The following C11orf16 variants were observed in gnomAD, a reference collection of about 807,000 sequenced individuals.
C11orf16 encodes the protein uncharacterized protein C11orf16.
In C11orf16, 38 loss-of-function variants were observed where a neutral mutation model predicts 45.1. The ratio of observed to expected loss-of-function variants is 0.84; its 90% CI spans 0.65 to 1.10. C11orf16 has a LOEUF of 1.10. Ranked by LOEUF, C11orf16 falls within the 50% of genes least tolerant of loss-of-function variation. The probability of loss-of-function intolerance (pLI) is 0.00; values close to 1 mark genes in which losing one functional copy is unlikely to be tolerated. For missense variants in C11orf16, 583 were observed against 569.5 expected (o/e 1.02, Z -0.24); for synonymous variants, 221 against 222.0 (o/e 1.00, Z 0.04).
In C11orf16 at chr11:8,929,506, G is replaced by A. The variant is rs149239509; in HGVS notation, c.195C>T (p.His65=). The part of the protein sequence containing the change: ...ARHASSCPCL[H]VADPAWQGPG... ...GCCCCTGCCATGCTGGGTCGGCAAC[G>A]TGGAGACATGGGCAAGAAGAGGCAT... The change falls in exon 3 of 7, where the codon CAC becomes CAT. Residue 65 remains histidine (H), a synonymous_variant. Transcript: ENST00000326053. 5.4e-3 allele frequency: 8,768 copies of A among 1,613,394 alleles called. 28 individuals carry two copies. The highest frequency in any genetic ancestry group is 6.2e-3 in the Non-Finnish European group (7,262 of 1,179,772).
chr11:8,920,085 T>C lies in C11orf16; in HGVS notation c.*388A>G, dbSNP rs962070893. ...TAAAGAGATTTGGAAATGAAGAGAA[T>C]TCATTTTTATTAAGAGGTGAAACAA... On this transcript the variant is annotated 3_prime_UTR_variant, in exon 7 of 7. Coordinates refer to ENST00000326053, the MANE Select transcript of C11orf16 (RefSeq NM_020643.3). 26 of 243,386 alleles carry C rather than the reference T, an allele frequency of 1.1e-4. No homozygotes were observed. The highest frequency in any genetic ancestry group is 1.9e-4 in the Non-Finnish European group (25 of 128,210). The allele number at this position is 243,386 out of a possible 1,614,324, so 15.1% of individuals were successfully genotyped here. A position where few individuals can be genotyped will look rare whatever the true frequency, so the allele number is the denominator to read the frequency against.
Position 8,926,149 on chromosome 11 carries a change from T to C in C11orf16, c.560-42A>G, listed in dbSNP as rs2064610791. 2.0e-6 allele frequency: 3 copies of C among 1,473,218 alleles called. No individual in the cohort carries two copies. The East Asian group carries it at 6.9e-5, about 34-fold the overall frequency. The allele number at this position is 1,473,218 out of a possible 1,614,324, so 91.3% of individuals were successfully genotyped here. A position where few individuals can be genotyped will look rare whatever the true frequency, so the allele number is the denominator to read the frequency against. ...GGCAACATTTTGTTATAATTACCAA[T>C]TATCTCCTTTTTTTTCTTTTTTCTT... On this transcript the variant is annotated intron_variant, in intron 4 of 6. Coordinates refer to ENST00000326053, the MANE Select transcript of C11orf16 (RefSeq NM_020643.3).
Position 8,921,400 on chromosome 11 carries a change from T to G in C11orf16, c.1320A>C (p.Pro440=). Residue 440 remains proline, a synonymous_variant, in exon 6 of 7, where the codon CCA becomes CCC. Transcript: ENST00000326053. ...CAGCTTCCCCTGGCGGGGTCCGCGG[T>G]GGCTTCATGTGGGTTGCTTTCGAGA... ...ELVSKATHMK[P]PRTPPGEAEH... 6.2e-7 allele frequency: 1 copy of G among 1,614,226 alleles called. No individual in the cohort carries two copies. The highest frequency in any genetic ancestry group is 1.1e-5 in the South Asian group (1 of 91,086).
chr11:8,932,022 G>A, intron 2 of C11orf16, 120 bp downstream of exon 2: 1 of 1,098,402 alleles, frequency 9.1e-7, no homozygotes, highest in South Asian at 1.8e-5. Context: ...GCCAAACAAT[G>A]ACGACCCCTT....
At position 8,929,656 on chromosome 11, in the gene C11orf16, A is replaced by G; in HGVS notation, c.168-123T>C. On this transcript the variant is annotated intron_variant, in intron 2 of 6. Transcript: ENST00000326053. ...CATGAGGCATGCGGAACAGAAATCC[A>G]TATGGAAAGTGGCAATCTATGACTT... 4.1e-6 allele frequency: 4 copies of G among 965,012 alleles called. No individual in the cohort carries two copies. The South Asian group carries it at 5.3e-5, about 13-fold the overall frequency. 59.8% of individuals were successfully genotyped at this position (965,012 alleles called of 1,614,324 possible).
rs551801835 is a variant in C11orf16 at position 8,925,564 on chromosome 11, T to C, written c.1103A>G (p.Asp368Gly). The stretch of plus-strand genomic sequence containing the variant: ...CAGAGGCATCTCAAGAAAGATGGGA[T>C]CTGTGTTGACTGCACTGTTCACCAT... ...RLMVNSAVNT[D>G]PIFLEMPLRQ... The change falls in exon 5 of 7, where the codon GAT (aspartate) becomes GGT (glycine). Residue 368 changes from aspartate (D) to glycine (G), a missense_variant. Transcript: ENST00000326053. 3 of 1,614,236 alleles carry C rather than the reference T, an allele frequency of 1.9e-6. No individual in the cohort carries two copies. In the South Asian group the frequency reaches 3.3e-5, roughly 18 times the overall value.
chr11:8,926,985 G>A lies in C11orf16; in HGVS notation c.514C>T (p.Pro172Ser). 6.2e-7 allele frequency: 1 copy of A among 1,613,934 alleles called. No homozygotes were observed. The highest frequency in any genetic ancestry group is 1.1e-5 in the South Asian group (1 of 91,064). The change falls in exon 4 of 7, where the codon CCT (proline) becomes TCT (serine). Residue 172 changes from proline (P) to serine (S), a missense_variant. Pro to Ser is a moderately conservative substitution (Grantham distance 74). Coordinates refer to ENST00000326053, the MANE Select transcript of C11orf16 (RefSeq NM_020643.3). Reference protein sequence around the residue: ...LWEPGQQQYGPGTVLLGLEMR... With the variant: ...LWEPGQQQYGSGTVLLGLEMR... Reference sequence around the variant, plus strand: ...TCCAAGCCCAAAAGAACAGTGCCAGGGCCATACTGCTGTTGGCCTGGCTCC... The same window carrying A: ...TCCAAGCCCAAAAGAACAGTGCCAGAGCCATACTGCTGTTGGCCTGGCTCC...
chr11:8,923,361 G>A (rs1363284739), intron 5 of C11orf16, among the ~76,000 whole-genome samples: 1 of 152,152 alleles, frequency 6.6e-6, no homozygotes, highest in Non-Finnish European at 1.5e-5. Context: ...GCTGGGCTTG[G>A]CACTGTCTCA....
intron 2 of C11orf16, among the ~76,000 whole-genome samples, chr11:8,930,624 G>A (rs1390232456): frequency 2.0e-5 from 3 of 152,094 alleles, no homozygotes; most frequent in African/African-American, 7.2e-5. Flanking sequence ...CTGTGGGACA[G>A]AAAAAGGAGA....
chr11:8,925,484 C>G lies in C11orf16; in HGVS notation c.1183G>C (p.Glu395Gln). The G allele has an allele frequency of 6.2e-7, 1 of 1,613,980 alleles. No individual in the cohort carries two copies. The highest frequency in any genetic ancestry group is 1.1e-5 in the South Asian group (1 of 91,062). Residue 395 changes from glutamate to glutamine, a missense_variant, in exon 5 of 7, where the codon GAG becomes CAG. Transcript: ENST00000326053. ...ATACCTGGCTTCCCAAGGCATGGCT[C>G]AGGCCCGTTTCTCTTCCAATACCTC... The part of the protein sequence containing the change: ...EWRYWKRNGP[E>Q]PCLGKPGTRY...
intron 3 of C11orf16, chr11:8,927,570 CTG>C: frequency 2.2e-6 from 1 of 458,008 alleles, no homozygotes; most frequent in Non-Finnish European, 4.4e-6. Flanking sequence ...AGCGTCGCTC[CTG>C]TGTCCAAGAC....
At position 8,930,524 on chromosome 11, in the gene C11orf16, G is replaced by A. The variant is rs575648452; in HGVS notation, c.168-991C>T. 1.1e-3 allele frequency among the ~76,000 whole-genome samples: 173 copies of A among 152,020 alleles called. 2 individuals carry two copies. The highest frequency in any genetic ancestry group is 3.7e-3 in the African/African-American group (154 of 41,458). ...GCGTGGAAGCTTGGATAGTAATGCC[G>A]AGGGTGTGAAATTGTAATGCCACTT... On this transcript the variant is annotated intron_variant, in intron 2 of 6. Transcript: ENST00000326053.
Position 8,920,522 on chromosome 11 carries a change from TAA to T in C11orf16, c.*23-74_*23-73del. 4 of 619,568 alleles carry T rather than the reference TAA, an allele frequency of 6.5e-6. No homozygotes were observed. The South Asian group carries it at 7.6e-5, about 12-fold the overall frequency. The allele number at this position is 619,568 out of a possible 1,614,324, so 38.4% of individuals were successfully genotyped here. On this transcript the variant is annotated intron_variant, in intron 6 of 6. Coordinates refer to ENST00000326053, the MANE Select transcript of C11orf16 (RefSeq NM_020643.3). Reference sequence around the variant, plus strand: ...TTTAAGAATCAAAAGTCACTGATTTTAAAAAGTCATTGATTGTGGCCGAGTGC... The same window carrying T: ...TTTAAGAATCAAAAGTCACTGATTTTAAAGTCATTGATTGTGGCCGAGTGC...
intron 1 of C11orf16, 139 bp downstream of exon 1, chr11:8,932,762 T>TC (rs1192787365): frequency 1.3e-5 from 2 of 154,064 alleles, no homozygotes; most frequent in Admixed American, 1.3e-4. Context: ...CTCAGGGCCG[T>TC]CCATCCCCTT....
chr11:8,927,549 C>T (rs543655250), intron 3 of C11orf16: 1 of 454,382 alleles, frequency 2.2e-6, no homozygotes, highest in East Asian at 6.9e-5. Context: ...CTCCTTCCAG[C>T]ACCCCCAAGA....
Position 8,929,478 on chromosome 11 carries a change from C to A in C11orf16, c.223G>T (p.Gly75Cys). 1 of 1,614,124 alleles carries A rather than the reference C, an allele frequency of 6.2e-7. No individual in the cohort carries two copies. Among genetic ancestry groups the A allele is most frequent in the Non-Finnish European group, 8.5e-7 (1 of 1,180,010 alleles). ...GCATCTCCAGCTCTTCCCAGCCAGC[C>A]AGGCCCCTGCCATGCTGGGTCGGCA... ...HVADPAWQGP[G>C]WLGRAGDAAN... is the part of the protein sequence containing the mutation. The change falls in exon 3 of 7, where the codon GGC (glycine) becomes TGC (cysteine). Residue 75 changes from glycine to cysteine, a missense_variant. Gly to Cys is a radical substitution (Grantham distance 159, BLOSUM62 -3). Coordinates refer to ENST00000326053, the MANE Select transcript of C11orf16 (RefSeq NM_020643.3).
In C11orf16 at chr11:8,926,080, T is replaced by C; in HGVS notation, c.587A>G (p.His196Arg). 1 of 1,604,930 alleles carries C rather than the reference T, an allele frequency of 6.2e-7. No homozygotes were observed. The highest frequency in any genetic ancestry group is 8.5e-7 in the Non-Finnish European group (1 of 1,173,610). ...RASKEKEITV[H>R]FWNGKAAKVP... Reference sequence around the variant, plus strand: ...TTTAGCAGCTTTGCCATTCCAGAAATGAACAGTGATTTCTTTTTCCTTTGA... The same window carrying C: ...TTTAGCAGCTTTGCCATTCCAGAAACGAACAGTGATTTCTTTTTCCTTTGA... The change falls in exon 5 of 7, where the codon CAT (histidine) becomes CGT (arginine). Residue 196 changes from histidine (H) to arginine (R), a missense_variant. His to Arg is a conservative substitution (Grantham distance 29). Coordinates refer to ENST00000326053, the MANE Select transcript of C11orf16 (RefSeq NM_020643.3).
intron 1 of C11orf16, 118 bp from the exon 2 acceptor site, chr11:8,932,444 G>C: frequency 1.4e-6 from 1 of 723,902 alleles, no homozygotes; most frequent in Non-Finnish European, 2.1e-6. Context: ...GTCCATGCAC[G>C]GCCCTACCTG....
At chr11:8,928,415 G>T (rs772535887) in intron 3 of C11orf16, among the ~76,000 whole-genome samples, 1 of 152,164 alleles carries the variant, frequency 6.6e-6, no homozygotes, top group African/African-American at 2.4e-5. Context: ...ACCCATGCAT[G>T]TGAGCAAACA....
Sources: allele counts gnomAD v4.1 joint callset (sites outside exome capture counted in the v4.1 genomes callset), GRCh38; gene constraint gnomAD v4.1.1; transcripts MANE v1.5; gene names NCBI Gene and HGNC (gene_info 2026-07-23, HGNC 2026-07-21).